Variants in LUZP2 observed in about 807,000 individuals in gnomAD.
LUZP2 encodes the protein leucine zipper protein 2.
Under a neutral mutation model 51.6 loss-of-function variants are expected in LUZP2, and 52 were observed. The observed-to-expected ratio is 1.01, with a 90% CI of 0.81 to 1.27. The LOEUF is 1.27. Among genes scored for constraint, LUZP2 ranks in the 50% most tolerant of loss-of-function variants. The pLI is 0.00. For missense variants in LUZP2, 436 were observed against 395.4 expected (o/e 1.10, Z -0.87); for synonymous variants, 154 against 137.3 (o/e 1.12, Z -0.85).
At chr11:24,622,081 C>T (rs2133908062) in intron 1 of LUZP2, among the ~76,000 whole-genome samples, 1 of 152,092 alleles carries the variant, frequency 6.6e-6, no homozygotes, top group South Asian at 2.1e-4. Context: ...GCTGGGACTA[C>T]AGGCATGTGC....
At chr11:25,061,355 A>G (rs1053397718) in intron 10 of LUZP2, among the ~76,000 whole-genome samples, 1 of 152,228 alleles carries the variant, frequency 6.6e-6, no homozygotes, top group Admixed American at 6.5e-5. Context: ...GTTTATTGCC[A>G]GAAATCACAG....
chr11:25,016,777 G>A (rs1002264975), intron 9 of LUZP2, among the ~76,000 whole-genome samples: 4 of 151,760 alleles, frequency 2.6e-5, no homozygotes, highest in African/African-American at 9.7e-5. Flanking sequence ...TTTTTTTCCT[G>A]TGGGTAGATA....
chr11:25,077,228 G>T, intron 10 of LUZP2, 101 bp from the exon 11 acceptor site: 1 of 885,606 alleles, frequency 1.1e-6, no homozygotes, highest in South Asian at 1.3e-5. Flanking sequence ...CAAAGTGATA[G>T]AATCTTCTCA....
Position 24,652,801 on chromosome 11 carries a change from T to A in LUZP2, c.63-76368T>A, listed in dbSNP as rs190831000. On this transcript the variant is annotated intron_variant, in intron 1 of 11. Transcript: ENST00000336930. ...ATGTTTTGAATGATGCTGTATGCAT[T>A]TTGACAGTTTTTATGCCTGCCACAT... is the stretch of plus-strand genomic sequence containing the variant. 2.0e-5 allele frequency among the ~76,000 whole-genome samples: 3 copies of A among 152,258 alleles called. No individual in the cohort carries two copies. The East Asian group carries it at 5.8e-4, about 29-fold the overall frequency.
At chr11:24,534,999 G>A (rs1851130821) in intron 1 of LUZP2, among the ~76,000 whole-genome samples, 1 of 151,006 alleles carries the variant, frequency 6.6e-6, no homozygotes, top group Non-Finnish European at 1.5e-5. Context: ...AATGAATATT[G>A]ACATAAAGTA....
intron 1 of LUZP2, among the ~76,000 whole-genome samples, chr11:24,672,918 C>T (rs11028098): frequency 0.38 from 57,638 of 152,008 alleles, 11,392 homozygotes; most frequent in East Asian, 0.57. Flanking sequence ...AGAATTATTG[C>T]CTGAGCTCTG....
At chr11:24,592,662 C>G (rs998921610) in intron 1 of LUZP2, among the ~76,000 whole-genome samples, 1 of 145,516 alleles carries the variant, frequency 6.9e-6, no homozygotes, top group Non-Finnish European at 1.5e-5. Flanking sequence ...TGTGATCCTA[C>G]TGATGTAATG....
chr11:25,034,653 C>G (rs1268925092), intron 9 of LUZP2, among the ~76,000 whole-genome samples: 1 of 152,078 alleles, frequency 6.6e-6, no homozygotes, highest in African/African-American at 2.4e-5. Context: ...AGCCAGTTAT[C>G]CCAGTTCCAT....
chr11:24,696,646 A>G (rs539579629), intron 1 of LUZP2, among the ~76,000 whole-genome samples: 3 of 152,162 alleles, frequency 2.0e-5, no homozygotes, highest in Non-Finnish European at 4.4e-5. Flanking sequence ...AAAATGACAA[A>G]AAGAAAAAAA....
chr11:24,809,932 A>G (rs1361165454), intron 5 of LUZP2, among the ~76,000 whole-genome samples: 2 of 152,208 alleles, frequency 1.3e-5, no homozygotes, highest in Non-Finnish European at 2.9e-5. Flanking sequence ...TAATAGGGAA[A>G]TATAGCTATT....
chr11:24,812,897 C>T (rs1850061708), intron 5 of LUZP2, among the ~76,000 whole-genome samples: 1 of 152,144 alleles, frequency 6.6e-6, no homozygotes, highest in Non-Finnish European at 1.5e-5. Context: ...TTCTTAAGTA[C>T]AGCAAACCTA....
At chr11:24,602,210 A>ATATATGTATATATGTACATATATGTG (rs1565020800) in intron 1 of LUZP2, among the ~76,000 whole-genome samples, 6 of 63,652 alleles carry the variant, frequency 9.4e-5, no homozygotes, top group Non-Finnish European at 1.4e-4. Context: ...ATATATGTGT[A>ATATATGTATATATGTACATATATGTG]TATATGTATA....
intron 5 of LUZP2, among the ~76,000 whole-genome samples, chr11:24,893,798 ACG>A (rs1484108263): frequency 6.9e-6 from 1 of 144,446 alleles, no homozygotes. Flanking sequence ...ACACACACAC[ACG>A]CACATGGTTT....
At chr11:25,021,950 C>T (rs1184861600) in intron 9 of LUZP2, among the ~76,000 whole-genome samples, 1 of 152,024 alleles carries the variant, frequency 6.6e-6, no homozygotes, top group Non-Finnish European at 1.5e-5. Context: ...ATGTCTTCCA[C>T]TCCAACTGTA....
intron 1 of LUZP2, among the ~76,000 whole-genome samples, chr11:24,679,421 T>C (rs1856665286): frequency 1.3e-5 from 2 of 152,188 alleles, no homozygotes; most frequent in Non-Finnish European, 1.5e-5. Flanking sequence ...TTTTATTTTA[T>C]TTATTGTTTA....
intron 7 of LUZP2, among the ~76,000 whole-genome samples, chr11:24,932,503 T>C (rs909964649): frequency 2.6e-5 from 4 of 151,980 alleles, no homozygotes; most frequent in African/African-American, 9.7e-5. Flanking sequence ...AGGGGTGTGG[T>C]TCTCAGGCCA....
At chr11:24,679,667 T>C (rs1856671791) in intron 1 of LUZP2, among the ~76,000 whole-genome samples, 1 of 152,206 alleles carries the variant, frequency 6.6e-6, no homozygotes, top group Non-Finnish European at 1.5e-5. Flanking sequence ...AGTGACACAA[T>C]AGTTAGAATT....
intron 7 of LUZP2, among the ~76,000 whole-genome samples, chr11:24,973,619 C>G (rs1449965936): frequency 6.6e-6 from 1 of 151,738 alleles, no homozygotes; most frequent in South Asian, 2.1e-4. Context: ...TAGCTGCATC[C>G]CAGAGATTTT....
intron 1 of LUZP2, among the ~76,000 whole-genome samples, chr11:24,602,036 A>G (rs1162125478): frequency 4.9e-5 from 7 of 143,738 alleles, no homozygotes; most frequent in African/African-American, 1.5e-4. Context: ...GTATATATGT[A>G]TATCTGTATA....
Sources: allele counts gnomAD v4.1 joint callset (sites outside exome capture counted in the v4.1 genomes callset), GRCh38; gene constraint gnomAD v4.1.1; transcripts MANE v1.5; gene names NCBI Gene and HGNC (gene_info 2026-07-23, HGNC 2026-07-21).